The following ZNF184 variants were observed in gnomAD, a reference collection of about 807,000 sequenced individuals.
ZNF184 encodes zinc finger protein 184, also known as zinc finger protein 184 (Kruppel-like).
Under a neutral mutation model 54.4 loss-of-function variants are expected in ZNF184, and 16 were observed. The ratio of observed to expected loss-of-function variants is 0.29; its 90% confidence interval spans 0.20 to 0.45. The LOEUF is 0.45. ZNF184 is among the 20% of genes least tolerant of loss of function. ZNF184 has a pLI of 1.00. For synonymous variants in ZNF184, 254 were observed against 295.3 expected, an observed-to-expected ratio of 0.86 and a Z score of 1.43; for missense variants, 681 against 888.2, an observed-to-expected ratio of 0.77 and a Z score of 2.97.
At chr6:27,432,182 G>C in the ZNF184 span, among the ~76,000 whole-genome samples, 1 of 152,098 alleles carries the variant, frequency 6.6e-6, no homozygotes, top group Admixed American at 6.5e-5. This position sits in a 1 kb window ranked among gnomAD's most constrained non-coding sequence, Gnocchi z 4.0. Context: ...AAGGAAGAAG[G>C]GTTGGCTTGA....
chr6:27,472,621 T>C lies in ZNF184; in HGVS notation c.-140+108A>G. The C allele has an allele frequency of 3.0e-6, 1 of 338,722 alleles. No homozygotes were observed. The allele number at this position is 338,722 out of a possible 1,614,324, so 21.0% of individuals were successfully genotyped here. A position where few individuals can be genotyped will look rare whatever the true frequency, so the allele number is the denominator to read the frequency against. On this transcript the variant is annotated intron_variant, in intron 1 of 5. Coordinates refer to ENST00000683788, the MANE Select transcript of ZNF184 (RefSeq NM_001318891.2). This position sits in a 1 kb window ranked among gnomAD's most constrained non-coding sequence, Gnocchi z 4.8. ...GTTCTGCTTCAGATCCAAAAAACCCTTGGTGCCCACCCTAGAATCTGGCCG... is the reference window on the plus strand; with the variant it reads ...GTTCTGCTTCAGATCCAAAAAACCCCTGGTGCCCACCCTAGAATCTGGCCG...
the ZNF184 span, chr6:27,407,572 A>G: frequency 2.1e-6 from 1 of 487,240 alleles, no homozygotes; most frequent in Non-Finnish European, 3.7e-6. Context: ...CCTTTTACAG[A>G]CAATAGTGGC....
At chr6:27,458,845 C>T (rs943181148) in intron 3 of ZNF184, among the ~76,000 whole-genome samples, 1 of 151,962 alleles carries the variant, frequency 6.6e-6, no homozygotes, top group Admixed American at 6.6e-5. Flanking sequence ...CATCAACAGA[C>T]GAATGGATAA....
At chr6:27,425,616 A>C in the ZNF184 span, among the ~76,000 whole-genome samples, 3 of 152,174 alleles carry the variant, frequency 2.0e-5, no homozygotes, top group Non-Finnish European at 4.4e-5. Flanking sequence ...GTCTATTTGA[A>C]ATTTTCTGCA....
chr6:27,436,016 C>T, the ZNF184 span, among the ~76,000 whole-genome samples: 1 of 151,100 alleles, frequency 6.6e-6, no homozygotes, highest in South Asian at 2.1e-4. Flanking sequence ...GATAGTGGGC[C>T]CAAGTAAGCA....
chr6:27,456,127 G>A (rs553424604), intron 5 of ZNF184, among the ~76,000 whole-genome samples: 3 of 152,134 alleles, frequency 2.0e-5, no homozygotes, highest in East Asian at 1.9e-4. Flanking sequence ...GCATGGTGGC[G>A]TGCACCTGTA....
chr6:27,435,401 A>G, the ZNF184 span, among the ~76,000 whole-genome samples: 2 of 152,178 alleles, frequency 1.3e-5, no homozygotes, highest in South Asian at 4.1e-4. Flanking sequence ...TTTTTATGCA[A>G]TTGTTAAGTA....
chr6:27,431,902 C>A, the ZNF184 span, among the ~76,000 whole-genome samples: 2,096 of 152,266 alleles, frequency 0.014, 42 homozygotes, highest in African/African-American at 0.044. Flanking sequence ...TCCACACACA[C>A]TAAAGGAGTA....
At chr6:27,411,971 TC>T in the ZNF184 span, among the ~76,000 whole-genome samples, 5,251 of 152,220 alleles carry the variant, frequency 0.034, 178 homozygotes, top group African/African-American at 0.09. Context: ...ATGAGGAGCC[TC>T]TGGGCACTAC....
rs898253769 is a variant in ZNF184, at chr6:27,472,472, C to G, written c.-139-39G>C. ...GATGGCGTCAGCAGCATACGTCACA[C>G]AATCACACATCAGAGTCTTGCAAAG... On this transcript the variant is annotated intron_variant, in intron 1 of 5. Transcript: ENST00000683788. This position sits in a 1 kb window ranked among gnomAD's most constrained non-coding sequence, Gnocchi z 4.8. The G allele has an allele frequency of 2.9e-6, 2 of 698,428 alleles. No individual in the cohort carries two copies. The highest frequency in any genetic ancestry group is 4.7e-5 in the Admixed American group (2 of 42,758). The allele number at this position is 698,428 out of a possible 1,614,324, so 43.3% of individuals were successfully genotyped here.
intron 3 of ZNF184, among the ~76,000 whole-genome samples, chr6:27,465,163 TAAAAA>T (rs747168494): frequency 7.0e-6 from 1 of 142,210 alleles, no homozygotes; most frequent in African/African-American, 2.7e-5. Flanking sequence ...TTCTGTTATT[TAAAAA>T]AAAAAGAAAA....
chr6:27,407,104 A>C, the ZNF184 span: 1 of 152,540 alleles, frequency 6.6e-6, no homozygotes, highest in Admixed American at 6.5e-5. Flanking sequence ...AGACCTACTC[A>C]CCTCATCCCA....
At position 27,467,965 on chromosome 6, in the gene ZNF184, C is replaced by T. The variant is rs113520630; in HGVS notation, c.8-45G>A. 1.8e-4 allele frequency: 250 copies of T among 1,416,444 alleles called. 1 individual carries two copies. Among genetic ancestry groups the T allele is most frequent in the African/African-American group, 1.8e-3 (121 of 68,610 alleles). The allele number at this position is 1,416,444 out of a possible 1,614,324, so 87.7% of individuals were successfully genotyped here. On this transcript the variant is annotated intron_variant, in intron 2 of 5. Transcript: ENST00000683788. ...CCATATGACTTCTGTTCAATTTAGC[C>T]ATTCCCAGCAATCCATAAATTCCAT...
intron 3 of ZNF184, among the ~76,000 whole-genome samples, chr6:27,467,400 C>A (rs1489747095): frequency 6.6e-6 from 1 of 152,086 alleles, no homozygotes; most frequent in Non-Finnish European, 1.5e-5. Flanking sequence ...TTGAGACCAG[C>A]ATCACCAGCA....
downstream of ZNF184, among the ~76,000 whole-genome samples, chr6:27,449,645 T>G (rs933523464): frequency 1.3e-5 from 2 of 152,066 alleles, no homozygotes; most frequent in Non-Finnish European, 2.9e-5. Flanking sequence ...TTCCAGCTAC[T>G]TGGGAGGCTG....
At chr6:27,456,578 G>A (rs1341084731) in intron 5 of ZNF184, among the ~76,000 whole-genome samples, 1 of 152,180 alleles carries the variant, frequency 6.6e-6, no homozygotes, top group Non-Finnish European at 1.5e-5. Flanking sequence ...AGTCCAGTTC[G>A]AGAGGTGGAT....
chr6:27,416,655 G>A, the ZNF184 span, among the ~76,000 whole-genome samples: 1 of 152,276 alleles, frequency 6.6e-6, no homozygotes, highest in South Asian at 2.1e-4. Flanking sequence ...AAATATCATT[G>A]GGTATTTTAG....
chr6:27,442,202 A>G, the ZNF184 span, among the ~76,000 whole-genome samples: 1 of 152,120 alleles, frequency 6.6e-6, no homozygotes, highest in Admixed American at 6.5e-5. Context: ...TATATTACCT[A>G]GGGACTTGGG....
the ZNF184 span, among the ~76,000 whole-genome samples, chr6:27,410,397 A>T: frequency 6.6e-6 from 1 of 152,230 alleles, no homozygotes; most frequent in Admixed American, 6.5e-5. Flanking sequence ...TTCTCAGTTT[A>T]AGTAGGTGAA....
Sources: allele counts gnomAD v4.1 joint callset (sites outside exome capture counted in the v4.1 genomes callset), GRCh38; gene constraint gnomAD v4.1.1; non-coding constraint Gnocchi (gnomAD v3.1); transcripts MANE v1.5; gene names NCBI Gene and HGNC (gene_info 2026-07-23, HGNC 2026-07-21).